The following ABHD5 variants were observed in gnomAD, a reference collection of about 807,000 sequenced individuals.
ABHD5 encodes 1-acylglycerol-3-phosphate O-acyltransferase ABHD5.
Under a neutral mutation model 44.9 loss-of-function variants are expected in ABHD5, and 30 were observed. That is an observed-to-expected ratio of 0.67 (90% CI 0.50 to 0.91). The LOEUF (loss-of-function observed/expected upper bound fraction) is 0.91, where lower values mean the gene tolerates loss of function less well. Ranked by LOEUF, ABHD5 falls within the 40% of genes least tolerant of loss-of-function variation. The pLI is 0.00. For missense variants in ABHD5, 399 were observed against 423.4 expected (o/e 0.94, Z 0.50); for synonymous variants, 167 against 147.0 (o/e 1.14, Z -0.99).
chr3:43,724,359 C>T (rs1051394744), downstream of ABHD5, among the ~76,000 whole-genome samples: 11 of 152,008 alleles, frequency 7.2e-5, no homozygotes, highest in African/African-American at 1.9e-4. Context: ...CATATACTGT[C>T]GGTGGGCTGT....
chr3:43,705,671 G>A (rs1212750350), intron 3 of ABHD5, among the ~76,000 whole-genome samples: 1 of 152,010 alleles, frequency 6.6e-6, no homozygotes, highest in Non-Finnish European at 1.5e-5. Flanking sequence ...ACAATCTCAC[G>A]GGCTTCCCCT....
chr3:43,712,721 C>T (rs1235362469), intron 4 of ABHD5, among the ~76,000 whole-genome samples: 1 of 151,996 alleles, frequency 6.6e-6, no homozygotes, highest in Non-Finnish European at 1.5e-5. Context: ...GGGTCTGTGT[C>T]TGTGATTTTC....
At chr3:43,705,644 T>C (rs1257859727) in intron 3 of ABHD5, among the ~76,000 whole-genome samples, 1 of 152,224 alleles carries the variant, frequency 6.6e-6, no homozygotes, top group Non-Finnish European at 1.5e-5. Flanking sequence ...GCATATAATA[T>C]AGGAAGACTG....
At chr3:43,700,774 A>G (rs2084532794) in intron 2 of ABHD5, among the ~76,000 whole-genome samples, 1 of 150,236 alleles carries the variant, frequency 6.7e-6, no homozygotes, top group South Asian at 2.2e-4. Flanking sequence ...GGGTTTCGCC[A>G]TGTTGACCAG....
chr3:43,721,526 A>G lies in ABHD5; in HGVS notation c.*2994A>G, dbSNP rs902104834. Reference sequence around the variant, plus strand: ...AGGACTGCTTGAGACCAGGAATTCAAAACCAACCTGGGCAACCTAGTAGGA... The same window carrying G: ...AGGACTGCTTGAGACCAGGAATTCAGAACCAACCTGGGCAACCTAGTAGGA... On this transcript the variant is annotated 3_prime_UTR_variant, in exon 7 of 7. Transcript: ENST00000644371. 1.3e-5 allele frequency: 2 copies of G among 151,376 alleles called. No individual in the cohort carries two copies. The highest frequency in any genetic ancestry group is 4.9e-5 in the African/African-American group (2 of 41,136). The allele number at this position is 151,376 out of a possible 1,614,324, so 9.4% of individuals were successfully genotyped here.
At chr3:43,715,674 G>C (rs145380190) in intron 5 of ABHD5, among the ~76,000 whole-genome samples, 3 of 152,084 alleles carry the variant, frequency 2.0e-5, no homozygotes, top group Non-Finnish European at 4.4e-5. Context: ...GAAAGTCTTG[G>C]TCTTGGGCAT....
downstream of ABHD5, among the ~76,000 whole-genome samples, chr3:43,726,323 C>T (rs866382481): frequency 2.0e-5 from 3 of 152,186 alleles, no homozygotes; most frequent in Non-Finnish European, 4.4e-5. Flanking sequence ...AGGAATGTCC[C>T]AACCGATCTT....
In ABHD5 at chr3:43,721,466, G is replaced by A. The variant is rs1178474075; in HGVS notation, c.*2934G>A. The A allele has an allele frequency of 6.6e-6, 1 of 151,644 alleles. No homozygotes were observed. The highest frequency in any genetic ancestry group is 2.1e-4 in the South Asian group (1 of 4,810). The allele number at this position is 151,644 out of a possible 1,614,324, so 9.4% of individuals were successfully genotyped here. A position where few individuals can be genotyped will look rare whatever the true frequency, so the allele number is the denominator to read the frequency against. ...TTTCAGCCAGATGGAATGGCTCATG[G>A]CTGTAATCCCAGCATTTTGGGAGGC... is the stretch of plus-strand genomic sequence containing the variant. On this transcript the variant is annotated 3_prime_UTR_variant, in exon 7 of 7. Transcript: ENST00000644371.
At chr3:43,717,456 T>A (rs7635733) in intron 5 of ABHD5, among the ~76,000 whole-genome samples, 283 of 152,350 alleles carry the variant, frequency 1.9e-3, no homozygotes, top group African/African-American at 6.6e-3. Flanking sequence ...AAAACTTTTT[T>A]AAAAATCAGC....
intron 3 of ABHD5, among the ~76,000 whole-genome samples, chr3:43,710,695 T>G (rs17075898): frequency 0.023 from 3,445 of 152,340 alleles, 60 homozygotes; most frequent in South Asian, 0.092. Flanking sequence ...GTGCCCATGT[T>G]TTAGATTCTT....
chr3:43,698,327 C>G (rs2084498588), intron 1 of ABHD5, among the ~76,000 whole-genome samples: 1 of 152,148 alleles, frequency 6.6e-6, no homozygotes, highest in Non-Finnish European at 1.5e-5. Flanking sequence ...GGGCCCTTAC[C>G]TCTCATCTGG....
chr3:43,723,380 C>T (rs2084856623), downstream of ABHD5, among the ~76,000 whole-genome samples: 1 of 152,134 alleles, frequency 6.6e-6, no homozygotes, highest in Non-Finnish European at 1.5e-5. Context: ...AGGAAATCGC[C>T]ATTTTGCCAC....
intron 5 of ABHD5, among the ~76,000 whole-genome samples, chr3:43,715,321 C>T (rs1248164531): frequency 2.0e-5 from 3 of 151,936 alleles, no homozygotes; most frequent in Admixed American, 6.6e-5. Flanking sequence ...CCACCACGCC[C>T]GGCTAATTAT....
intron 1 of ABHD5, among the ~76,000 whole-genome samples, chr3:43,694,039 G>A (rs2084437925): frequency 7.1e-6 from 1 of 139,962 alleles, no homozygotes; most frequent in Non-Finnish European, 1.5e-5. Context: ...CGGGCGCCGT[G>A]GTTCACGCCT....
At chr3:43,706,342 T>TG (rs1365558674) in intron 3 of ABHD5, among the ~76,000 whole-genome samples, 1 of 151,976 alleles carries the variant, frequency 6.6e-6, no homozygotes, top group Non-Finnish European at 1.5e-5. Flanking sequence ...TTGGTGGGCG[T>TG]GGGGGGAGCG....
chr3:43,726,770 C>G (rs533062813), downstream of ABHD5, among the ~76,000 whole-genome samples: 6 of 152,310 alleles, frequency 3.9e-5, no homozygotes, highest in African/African-American at 1.4e-4. Context: ...CTGCTTGTTG[C>G]AAATGCAGAC....
rs1445373985 is a variant in ABHD5 at position 43,719,466 on chromosome 3, A to G, written c.*934A>G. 4 of 152,212 alleles carry G rather than the reference A, an allele frequency of 2.6e-5. No homozygotes were observed. Among genetic ancestry groups the G allele is most frequent in the Admixed American group, 1.3e-4 (2 of 15,284 alleles). The allele number at this position is 152,212 out of a possible 1,614,324, so 9.4% of individuals were successfully genotyped here. On this transcript the variant is annotated 3_prime_UTR_variant, in exon 7 of 7. Coordinates refer to ENST00000644371, the MANE Select transcript of ABHD5 (RefSeq NM_016006.6). The stretch of plus-strand genomic sequence containing the variant: ...CATCTAACTTTTGTAGATGGGTGCT[A>G]AAATTGCATACATTTTAACCACTAA...
intron 7 of ABHD5, among the ~76,000 whole-genome samples, chr3:43,729,510 C>T (rs1377795359): frequency 6.6e-6 from 1 of 152,138 alleles, no homozygotes; most frequent in Non-Finnish European, 1.5e-5. Flanking sequence ...AAGTGACTTG[C>T]CCAGGATCAT....
chr3:43,695,159 C>CT (rs1487626701), intron 1 of ABHD5: 2 of 152,150 alleles, frequency 1.3e-5, no homozygotes, highest in South Asian at 2.1e-4. Context: ...CCAAAGTACG[C>CT]TTTTTTCTTT....
Sources: gnomAD v4.1 joint callset for allele counts (sites outside exome capture counted in the v4.1 genomes callset) on GRCh38, gnomAD v4.1.1 for gene constraint, MANE v1.5 for transcripts, NCBI Gene and HGNC (gene_info 2026-07-23, HGNC 2026-07-21) for gene names.